Variants in KIF27 observed in about 807,000 individuals in gnomAD.
KIF27 encodes kinesin family member 27.
A neutral mutation model predicts 141.8 loss-of-function variants in KIF27; 84 were observed. The observed-to-expected ratio is 0.59, with a 90% CI of 0.50 to 0.71. The LOEUF (loss-of-function observed/expected upper bound fraction) is 0.71, where lower values mean the gene tolerates loss of function less well. KIF27 is among the 30% of genes least tolerant of loss of function. KIF27 has a pLI of 0.00. For synonymous variants in KIF27, 471 were observed against 569.5 expected, an observed-to-expected ratio of 0.83 and a Z score of 2.46; for missense variants, 1,306 against 1,628.4, an observed-to-expected ratio of 0.80 and a Z score of 3.41.
In KIF27 at chr9:83,899,841, A is replaced by G. The variant is rs2780085; in HGVS notation, c.1459-37T>C. 1,710 of 1,566,538 alleles carry G rather than the reference A, an allele frequency of 1.1e-3. 14 individuals carry two copies. The African/African-American group carries it at 0.021, about 19-fold the overall frequency. ...AGAAAGCACAAGTGACATTCACCAC[A>G]GAAAATAATCAAGAAACCCCATATG... On this transcript the variant is annotated intron_variant, in intron 4 of 17. Transcript: ENST00000297814.
chr9:83,834,639 TTAA>T lies in KIF27; in HGVS notation c.*2359_*2361del, dbSNP rs1221763182. On this transcript the variant is annotated 3_prime_UTR_variant, in exon 18 of 18. Coordinates refer to ENST00000297814, the MANE Select transcript of KIF27 (RefSeq NM_017576.4). Reference sequence around the variant, plus strand: ...AGGATTCCAGTATCAGAATACATTCTTAAATGAATTATTCCTAAATAACGCATA... The same window carrying T: ...AGGATTCCAGTATCAGAATACATTCTATGAATTATTCCTAAATAACGCATA... Among the ~76,000 whole-genome samples the T allele has an allele frequency of 6.6e-6, 1 of 151,910 alleles. No individual in the cohort carries two copies. The highest frequency in any genetic ancestry group is 1.9e-4 in the East Asian group (1 of 5,200).
intron 10 of KIF27, among the ~76,000 whole-genome samples, chr9:83,882,048 C>T (rs1052807715): frequency 6.6e-6 from 1 of 151,936 alleles, no homozygotes; most frequent in African/African-American, 2.4e-5. Context: ...AATAATAATA[C>T]TAGTATTTCA....
chr9:83,875,253 G>T (rs1951120887), intron 11 of KIF27, among the ~76,000 whole-genome samples: 1 of 152,182 alleles, frequency 6.6e-6, no homozygotes, highest in Admixed American at 6.5e-5. Flanking sequence ...ATACTCTGAA[G>T]GCTTTAATGG....
At chr9:83,850,830 CTTTTTTTTTTTTTT>C (rs202212264) in intron 15 of KIF27, among the ~76,000 whole-genome samples, 3 of 67,518 alleles carry the variant, frequency 4.4e-5, no homozygotes, top group South Asian at 6.2e-4. Flanking sequence ...ATGACATTTT[CTTTTTTTTTTTTTT>C]TTTTTTTTTT....
At chr9:83,910,547 T>C (rs1161855333) in intron 2 of KIF27, among the ~76,000 whole-genome samples, 1 of 151,922 alleles carries the variant, frequency 6.6e-6, no homozygotes, top group Non-Finnish European at 1.5e-5. Context: ...AGCTTGAGAG[T>C]AGAAAGGGAC....
At position 83,842,087 on chromosome 9, in the gene KIF27, T is replaced by C. The variant is rs754903842; in HGVS notation, c.3721+150A>G. ...TCATTCACTTCTCATGTGGTTCTAC[T>C]TTAGACAACGATTTTTGTTTACAGA... On this transcript the variant is annotated intron_variant, in intron 17 of 17. Transcript: ENST00000297814. 42 of 906,626 alleles carry C rather than the reference T, an allele frequency of 4.6e-5. 1 individual carries two copies. The South Asian group carries it at 6.8e-4, about 15-fold the overall frequency. 56.2% of individuals were successfully genotyped at this position (906,626 alleles called of 1,614,324 possible).
chr9:83,861,181 T>TTATATA (rs369418168), intron 13 of KIF27, among the ~76,000 whole-genome samples: 18,550 of 149,302 alleles, frequency 0.12, 1,201 homozygotes, highest in African/African-American at 0.14. Context: ...GGCTATTTCT[T>TTATATA]TATATATATA....
At position 83,835,124 on chromosome 9, in the gene KIF27, A is replaced by G. The variant is rs1337444910; in HGVS notation, c.*1877T>C. On this transcript the variant is annotated 3_prime_UTR_variant, in exon 18 of 18. Transcript: ENST00000297814. ...TACACATACTTGTTTTACTTATGGA[A>G]ATACAAACACATTTCCTTATATACT... Among the ~76,000 whole-genome samples, 1 of 150,016 alleles carries G rather than the reference A, an allele frequency of 6.7e-6. No homozygotes were observed. Among genetic ancestry groups the G allele is most frequent in the Non-Finnish European group, 1.5e-5 (1 of 67,506 alleles).
chr9:83,846,314 C>G (rs1027225583), intron 16 of KIF27, among the ~76,000 whole-genome samples: 1 of 152,184 alleles, frequency 6.6e-6, no homozygotes, highest in African/African-American at 2.4e-5. Context: ...ATGCTTCTGC[C>G]AAGATTACCA....
At chr9:83,882,361 C>CA (rs890129936) in intron 10 of KIF27, among the ~76,000 whole-genome samples, 3 of 150,408 alleles carry the variant, frequency 2.0e-5, no homozygotes, top group South Asian at 2.1e-4. Flanking sequence ...GACTTCACCT[C>CA]AAAAAAAAAG....
chr9:83,889,388 C>A (rs1952452273), intron 6 of KIF27, 135 bp from the exon 7 acceptor site: 1 of 651,318 alleles, frequency 1.5e-6, no homozygotes, highest in Non-Finnish European at 2.5e-6. Flanking sequence ...GGAAAATGCT[C>A]CCCTCAAACA....
intron 15 of KIF27, 28 bp from the exon 16 acceptor site, chr9:83,850,325 A>C: frequency 7.2e-7 from 1 of 1,382,982 alleles, no homozygotes; most frequent in Non-Finnish European, 1.0e-6. Context: ...TGACCTGTTA[A>C]GTGTGTCTTA....
Position 83,867,957 on chromosome 9 carries a change from T to C in KIF27, c.2758-97A>G, listed in dbSNP as rs139384246. ...TTCAGATTGGCTGAAATCTCTTAAA[T>C]GAACATTTAAAAACTATCACTCAGA... On this transcript the variant is annotated intron_variant, in intron 12 of 17. Transcript: ENST00000297814. 4.7e-4 allele frequency: 593 copies of C among 1,263,016 alleles called. 6 individuals are homozygous for C. The African/African-American group carries it at 7.6e-3, about 16-fold the overall frequency. 78.2% of individuals were successfully genotyped at this position (1,263,016 alleles called of 1,614,324 possible). A position where few individuals can be genotyped will look rare whatever the true frequency, so the allele number is the denominator to read the frequency against.
intron 9 of KIF27, among the ~76,000 whole-genome samples, chr9:83,886,706 T>C (rs906642153): frequency 6.6e-6 from 1 of 152,058 alleles, no homozygotes; most frequent in African/African-American, 2.4e-5. Flanking sequence ...CAGTGAGTCA[T>C]GACTGCACCA....
intron 13 of KIF27, among the ~76,000 whole-genome samples, chr9:83,866,636 G>C (rs1257185412): frequency 1.3e-5 from 2 of 152,056 alleles, no homozygotes; most frequent in Admixed American, 6.5e-5. Flanking sequence ...CCAGCACTTT[G>C]GGAGGCCAAG....
At chr9:83,870,972 G>A (rs566518067) in intron 11 of KIF27, among the ~76,000 whole-genome samples, 15 of 152,122 alleles carry the variant, frequency 9.9e-5, no homozygotes, top group Admixed American at 5.2e-4. Flanking sequence ...GTGCAATGGC[G>A]TGATCATAGC....
At chr9:83,883,070 G>A (rs1951810560) in intron 10 of KIF27, among the ~76,000 whole-genome samples, 1 of 147,154 alleles carries the variant, frequency 6.8e-6, no homozygotes, top group African/African-American at 2.6e-5. Context: ...CTGTGGCATA[G>A]TTCAATAATA....
intron 4 of KIF27, among the ~76,000 whole-genome samples, chr9:83,902,357 C>T (rs1451269787): frequency 6.6e-6 from 1 of 152,176 alleles, no homozygotes; most frequent in Non-Finnish European, 1.5e-5. Flanking sequence ...TGCTCACTAG[C>T]TTGCAAACTC....
Position 83,915,463 on chromosome 9 carries a change from T to C in KIF27, c.129A>G (p.Arg43=). Residue 43 remains arginine (R), a synonymous_variant, in exon 2 of 18, where the codon AGA becomes AGG. Transcript: ENST00000297814. ...CAAAAACAAAATCAAAAGTGAAGAC[T>C]CTATCTCTCCCAATGATAACTTGCT... ...NSQQVIIGRD[R]VFTFDFVFGK... is the part of the protein sequence containing the mutation. 3.1e-6 allele frequency: 5 copies of C among 1,613,556 alleles called. No individual in the cohort carries two copies. Among genetic ancestry groups the C allele is most frequent in the Non-Finnish European group, 3.4e-6 (4 of 1,179,822 alleles).
Sources: allele counts gnomAD v4.1 joint callset (sites outside exome capture counted in the v4.1 genomes callset), GRCh38; gene constraint gnomAD v4.1.1; transcripts MANE v1.5; gene names NCBI Gene and HGNC (gene_info 2026-07-23, HGNC 2026-07-21).